Variants in NLK observed in about 807,000 individuals in gnomAD.
NLK encodes the protein serine/threonine-protein kinase NLK.
A neutral mutation model predicts 59.0 loss-of-function variants in NLK; 11 were observed. That is an observed-to-expected ratio of 0.19 (90% CI 0.12 to 0.31). The LOEUF is 0.31. Among genes scored for constraint, NLK ranks in the 10% least tolerant of loss-of-function variants. The pLI is 1.00. For synonymous variants in NLK, 235 were observed against 235.9 expected (o/e 1.00, Z 0.03); for missense variants, 410 against 661.1 (o/e 0.62, Z 4.16).
chr17:28,047,937 A>G, intron 1 of NLK: 1 of 398,396 alleles, frequency 2.5e-6, no homozygotes, highest in Non-Finnish European at 4.4e-6. Flanking sequence ...TGTAGTACTG[A>G]GAAGTTTCTC....
At chr17:28,061,935 A>ATT (rs1298293451) in intron 1 of NLK, 2 of 130,782 alleles carry the variant, frequency 1.5e-5, no homozygotes, top group African/African-American at 2.8e-5. Context: ...ATATATATAT[A>ATT]TTTTTTTTTT....
intron 1 of NLK, among the ~76,000 whole-genome samples, chr17:28,122,323 A>G (rs561936411): frequency 2.6e-5 from 4 of 152,210 alleles, no homozygotes; most frequent in Non-Finnish European, 5.9e-5. Context: ...CCTCAGATGT[A>G]TAAAGTGACC....
In NLK at chr17:28,064,174, C is replaced by CTTTTT. The variant is rs66949112; in HGVS notation, c.458+20864_458+20868dup. ...TTAGAGTCATCTTTAAGTTAGCAAACTTTTTTTTTTTTTTTTTTTTTTTTT... is the reference window on the plus strand; with the variant it reads ...TTAGAGTCATCTTTAAGTTAGCAAACTTTTTTTTTTTTTTTTTTTTTTTTTTTTTT... On this transcript the variant is annotated intron_variant, in intron 1 of 10. Coordinates refer to ENST00000407008, the MANE Select transcript of NLK (RefSeq NM_016231.5). Among the ~76,000 whole-genome samples the CTTTTT allele has an allele frequency of 7.6e-3, 755 of 99,588 alleles. 7 individuals carry two copies. Among genetic ancestry groups the CTTTTT allele is most frequent in the Middle Eastern group, 0.012 (2 of 166 alleles). The allele number at this position is 99,588 out of a possible 152,430, so 65.3% of individuals were successfully genotyped here.
intron 3 of NLK, among the ~76,000 whole-genome samples, chr17:28,146,284 A>G (rs1444927278): frequency 1.3e-5 from 2 of 152,202 alleles, no homozygotes; most frequent in Non-Finnish European, 1.5e-5. Flanking sequence ...TTTTAAAGGA[A>G]TAAATGAATT....
At position 28,126,352 on chromosome 17, in the gene NLK, A is replaced by T. The variant is rs115622920; in HGVS notation, c.588+3620A>T. Among the ~76,000 whole-genome samples the T allele has an allele frequency of 8.5e-3, 1,302 of 152,344 alleles. 19 individuals are homozygous for T. Among genetic ancestry groups the T allele is most frequent in the African/African-American group, 0.03 (1,258 of 41,574 alleles). On this transcript the variant is annotated intron_variant, in intron 2 of 10. Coordinates refer to ENST00000407008, the MANE Select transcript of NLK (RefSeq NM_016231.5). ...GAGGCCCAGGTATCTGATTTTTTAA[A>T]GCTTCTCAGGTGACAGGCAAGTACC...
intron 3 of NLK, among the ~76,000 whole-genome samples, chr17:28,152,339 T>C (rs1907515891): frequency 6.6e-6 from 1 of 152,246 alleles, no homozygotes; most frequent in South Asian, 2.1e-4. Flanking sequence ...TTTATAAATT[T>C]ATAAGTCAAA....
chr17:28,095,967 A>G (rs917062865), intron 1 of NLK, among the ~76,000 whole-genome samples: 1 of 152,172 alleles, frequency 6.6e-6, no homozygotes, highest in Non-Finnish European at 1.5e-5. Flanking sequence ...AGAATGGAGA[A>G]TTTATTCCAA....
intron 6 of NLK, among the ~76,000 whole-genome samples, chr17:28,170,821 C>G (rs752601646): frequency 6.6e-6 from 1 of 152,156 alleles, no homozygotes; most frequent in Non-Finnish European, 1.5e-5. Flanking sequence ...GTTCAGATAT[C>G]CCTTTGCTAG....
intron 1 of NLK, among the ~76,000 whole-genome samples, chr17:28,059,023 G>A (rs1030818986): frequency 6.6e-6 from 1 of 152,132 alleles, no homozygotes; most frequent in Non-Finnish European, 1.5e-5. Flanking sequence ...CTACTTGGGA[G>A]GCTGAGGTGG....
chr17:28,139,424 A>C (rs1906892664), intron 3 of NLK, among the ~76,000 whole-genome samples: 1 of 152,218 alleles, frequency 6.6e-6, no homozygotes, highest in South Asian at 2.1e-4. Context: ...TTATCTCTGA[A>C]GCCTAGAACA....
At chr17:28,167,272 T>C (rs1908274090) in intron 5 of NLK, among the ~76,000 whole-genome samples, 1 of 152,122 alleles carries the variant, frequency 6.6e-6, no homozygotes, top group Admixed American at 6.5e-5. Context: ...AATCTCACTC[T>C]GTCTCCCAGG....
intron 2 of NLK, among the ~76,000 whole-genome samples, chr17:28,123,255 CTTT>C (rs1296214550): frequency 6.6e-6 from 1 of 152,076 alleles, no homozygotes; most frequent in East Asian, 1.9e-4. Flanking sequence ...ATCTGAATGT[CTTT>C]TTTAATTCTA....
chr17:28,174,885 T>G (rs1442065846), intron 7 of NLK, among the ~76,000 whole-genome samples: 1 of 152,078 alleles, frequency 6.6e-6, no homozygotes, highest in East Asian at 1.9e-4. Flanking sequence ...TGTTGGCCTA[T>G]TAGCAGCTGC....
rs551618549 is a variant in NLK at position 28,185,803 on chromosome 17, G to C, written c.1236+538G>C. Among the ~76,000 whole-genome samples, 133 of 152,230 alleles carry C rather than the reference G, an allele frequency of 8.7e-4. 1 individual carries two copies. The highest frequency in any genetic ancestry group is 1.4e-3 in the Non-Finnish European group (95 of 68,010). On this transcript the variant is annotated intron_variant, in intron 8 of 10. Transcript: ENST00000407008. Reference sequence around the variant, plus strand: ...TCCTTTTGCCTCAGCCCCGCAAAGTGCTGGGATTACAGATGTGAGCCACCG... The same window carrying C: ...TCCTTTTGCCTCAGCCCCGCAAAGTCCTGGGATTACAGATGTGAGCCACCG...
At chr17:28,115,022 C>G (rs1055965160) in intron 1 of NLK, among the ~76,000 whole-genome samples, 3 of 152,126 alleles carry the variant, frequency 2.0e-5, no homozygotes, top group African/African-American at 7.2e-5. Context: ...TTTAGAACCC[C>G]ATGATGTCTG....
At chr17:28,066,459 A>G (rs1909828181) in intron 1 of NLK, among the ~76,000 whole-genome samples, 1 of 152,226 alleles carries the variant, frequency 6.6e-6, no homozygotes, top group East Asian at 1.9e-4. Flanking sequence ...TGCATGTACT[A>G]ATAGTTTGTT....
intron 7 of NLK, among the ~76,000 whole-genome samples, chr17:28,181,570 TAAAA>T (rs1013996311): frequency 7.4e-6 from 1 of 134,758 alleles, no homozygotes; most frequent in Non-Finnish European, 1.6e-5. Context: ...CTCTGTCTCT[TAAAA>T]AAAAAAAAAA....
In NLK at chr17:28,052,383, G is replaced by A. The variant is rs574182121; in HGVS notation, c.458+9052G>A. 7.2e-4 allele frequency among the ~76,000 whole-genome samples: 110 copies of A among 152,256 alleles called. 1 individual carries two copies. Among genetic ancestry groups the A allele is most frequent in the African/African-American group, 2.6e-3 (107 of 41,554 alleles). On this transcript the variant is annotated intron_variant, in intron 1 of 10. Coordinates refer to ENST00000407008, the MANE Select transcript of NLK (RefSeq NM_016231.5). Reference sequence around the variant, plus strand: ...CTTTAAAACAAATTTCTTTCCAGGAGTCTCTTTTAAATTCTGAATTTGGAT... The same window carrying A: ...CTTTAAAACAAATTTCTTTCCAGGAATCTCTTTTAAATTCTGAATTTGGAT...
intron 3 of NLK, among the ~76,000 whole-genome samples, chr17:28,154,199 T>C (rs150933375): frequency 1.3e-5 from 2 of 152,312 alleles, no homozygotes; most frequent in African/African-American, 4.8e-5. Context: ...TCAGAAAGTC[T>C]CAGGAATTGG....
Sources: allele counts gnomAD v4.1 joint callset (sites outside exome capture counted in the v4.1 genomes callset), GRCh38; gene constraint gnomAD v4.1.1; transcripts MANE v1.5; gene names NCBI Gene and HGNC (gene_info 2026-07-23, HGNC 2026-07-21).